The following MGAT5 variants were observed in gnomAD, a reference collection of about 807,000 sequenced individuals.
MGAT5 encodes alpha-1,6-mannosylglycoprotein 6-beta-N-acetylglucosaminyltransferase A.
In MGAT5, 30 loss-of-function variants were observed where a neutral mutation model predicts 94.3. That is an observed-to-expected ratio of 0.32 (90% CI 0.24 to 0.43). MGAT5 has a LOEUF of 0.43. MGAT5 is among the 20% of genes least tolerant of loss of function. The pLI is 1.00. For missense variants in MGAT5, 691 were observed against 905.5 expected (o/e 0.76, Z 3.04); for synonymous variants, 310 against 322.9 (o/e 0.96, Z 0.43).
intron 1 of MGAT5, among the ~76,000 whole-genome samples, chr2:134,161,287 C>T (rs1165676842): frequency 6.6e-6 from 1 of 152,210 alleles, no homozygotes; most frequent in Admixed American, 6.5e-5. Context: ...CAGTGTGTTG[C>T]CAAGGCCGTG....
intron 2 of MGAT5, among the ~76,000 whole-genome samples, chr2:134,276,719 G>A (rs1404564152): frequency 6.6e-6 from 1 of 152,218 alleles, no homozygotes; most frequent in Admixed American, 6.5e-5. Context: ...TGTGAGGTCT[G>A]TATTTCCAGA....
chr2:134,314,030 G>A (rs1686854905), intron 2 of MGAT5, among the ~76,000 whole-genome samples: 1 of 152,194 alleles, frequency 6.6e-6, no homozygotes, highest in Non-Finnish European at 1.5e-5. Flanking sequence ...TTGGTCATTT[G>A]ATAGAAACAA....
intron 10 of MGAT5, among the ~76,000 whole-genome samples, chr2:134,369,067 G>C (rs936105038): frequency 1.3e-5 from 2 of 152,040 alleles, no homozygotes; most frequent in African/African-American, 4.8e-5. Context: ...TAGACTATAT[G>C]CTCTGTGAGA....
chr2:134,413,006 T>G lies in MGAT5; in HGVS notation c.1668T>G (p.Thr556=). The G allele has an allele frequency of 6.2e-7, 1 of 1,614,152 alleles. No individual in the cohort carries two copies. Among genetic ancestry groups the G allele is most frequent in the East Asian group, 2.2e-5 (1 of 44,868 alleles). ...CAGACTTTTTCATTGGCAAGCCAAC[T>G]CTGAGAGAGGTAAGCATCTATCAAA... The part of the protein sequence containing the change: ...KNTDFFIGKP[T]LRELTSQHPY... The change falls in exon 12 of 16, where the codon ACT becomes ACG. Residue 556 remains threonine, a synonymous_variant. Transcript: ENST00000281923.
chr2:134,380,306 A>G (rs1236606923), intron 10 of MGAT5, among the ~76,000 whole-genome samples: 2 of 152,232 alleles, frequency 1.3e-5, no homozygotes, highest in Admixed American at 1.3e-4. Context: ...AGCATAGTAA[A>G]TATTCAAATG....
intron 1 of MGAT5, among the ~76,000 whole-genome samples, chr2:134,226,678 G>C (rs1475843381): frequency 6.6e-6 from 1 of 152,156 alleles, no homozygotes; most frequent in Non-Finnish European, 1.5e-5. Context: ...AGTTCATGCA[G>C]TCATTTACTT....
At chr2:134,167,403 C>T (rs950433613) in intron 1 of MGAT5, among the ~76,000 whole-genome samples, 1 of 152,200 alleles carries the variant, frequency 6.6e-6, no homozygotes, top group East Asian at 1.9e-4. Flanking sequence ...CAGTGGTTCT[C>T]CAACTTCAGC....
rs149985664 is a variant in MGAT5 at position 134,423,219 on chromosome 2, G to C, written c.1794+300G>C. On this transcript the variant is annotated intron_variant, in intron 13 of 15. Transcript: ENST00000281923. ...CTTGGTTCAGTGACCTGATTATGTT[G>C]CTCTCACAGAGATCTGAAAAGATAG... Among the ~76,000 whole-genome samples, 389 of 152,294 alleles carry C rather than the reference G, an allele frequency of 2.6e-3. 1 individual carries two copies. Among genetic ancestry groups the C allele is most frequent in the African/African-American group, 8.9e-3 (371 of 41,562 alleles).
At chr2:134,136,549 AG>A (rs1686419874) in intron 1 of MGAT5, among the ~76,000 whole-genome samples, 2 of 152,234 alleles carry the variant, frequency 1.3e-5, no homozygotes, top group Non-Finnish European at 2.9e-5. Flanking sequence ...CCTGGGCAAC[AG>A]GGTGAGACTC....
intron 1 of MGAT5, among the ~76,000 whole-genome samples, chr2:134,186,552 C>T (rs1363615595): frequency 6.6e-6 from 1 of 152,106 alleles, no homozygotes; most frequent in Non-Finnish European, 1.5e-5. Context: ...TCCATGTCTT[C>T]CTAGGGTCAG....
At chr2:134,293,250 G>C (rs1430230142) in intron 2 of MGAT5, among the ~76,000 whole-genome samples, 1 of 152,152 alleles carries the variant, frequency 6.6e-6, no homozygotes, top group East Asian at 1.9e-4. Context: ...CATTAAATTG[G>C]AAATGAATAC....
chr2:134,146,386 C>A (rs1236941855), intron 1 of MGAT5, among the ~76,000 whole-genome samples: 1 of 147,622 alleles, frequency 6.8e-6, no homozygotes, highest in Non-Finnish European at 1.5e-5. Flanking sequence ...AGTGAGACCT[C>A]GTCTCTACAA....
Position 134,287,120 on chromosome 2 carries a change from C to T in MGAT5, c.406+16570C>T, listed in dbSNP as rs182479905. Among the ~76,000 whole-genome samples the T allele has an allele frequency of 1.1e-4, 17 of 152,244 alleles. No homozygotes were observed. In the East Asian group the frequency reaches 3.1e-3, roughly 28 times the overall value. On this transcript the variant is annotated intron_variant, in intron 2 of 15. Transcript: ENST00000281923. ...GATTGTGCACATTGGGGCTCTATTCCTACCCCTTCTCTCATATCACTTTTC... is the reference window on the plus strand; with the variant it reads ...GATTGTGCACATTGGGGCTCTATTCTTACCCCTTCTCTCATATCACTTTTC...
chr2:134,412,424 A>C (rs1683723118), intron 11 of MGAT5, among the ~76,000 whole-genome samples: 1 of 152,136 alleles, frequency 6.6e-6, no homozygotes, highest in South Asian at 2.1e-4. Context: ...CCCTCCGCCC[A>C]GCATTCCTGA....
intron 4 of MGAT5, among the ~76,000 whole-genome samples, chr2:134,332,890 A>G (rs544706667): frequency 0.033 from 5,022 of 151,426 alleles, 257 homozygotes; most frequent in African/African-American, 0.11. Flanking sequence ...ATGAGATACC[A>G]TCTCCTACCA....
Position 134,449,640 on chromosome 2 carries a change from T to C in MGAT5, c.*793T>C, listed in dbSNP as rs932906473. ...GCCCAGACACATACCTTGGCCGTAA[T>C]TTCTTTTAGAATCCCTTTGGGAAGG... is the stretch of plus-strand genomic sequence containing the variant. On this transcript the variant is annotated 3_prime_UTR_variant, in exon 16 of 16. Transcript: ENST00000281923. 6.6e-6 allele frequency: 1 copy of C among 152,204 alleles called. No homozygotes were observed. The highest frequency in any genetic ancestry group is 1.5e-5 in the Non-Finnish European group (1 of 68,062). 9.4% of individuals were successfully genotyped at this position (152,204 alleles called of 1,614,324 possible). A position where few individuals can be genotyped will look rare whatever the true frequency, so the allele number is the denominator to read the frequency against.
At chr2:134,327,467 G>A (rs2105937145) in intron 4 of MGAT5, among the ~76,000 whole-genome samples, 1 of 152,198 alleles carries the variant, frequency 6.6e-6, no homozygotes, top group Admixed American at 6.5e-5. Flanking sequence ...TGAGACAGTT[G>A]ATCTGGTAAC....
At position 134,199,228 on chromosome 2, in the gene MGAT5, C is replaced by A. The variant is rs114122700; in HGVS notation, c.-142-55034C>A. 5.7e-3 allele frequency among the ~76,000 whole-genome samples: 870 copies of A among 152,286 alleles called. 15 individuals carry two copies. The highest frequency in any genetic ancestry group is 0.02 in the African/African-American group (837 of 41,558). ...CTGTCTTCCCTTCCTTTCTTAATTG[C>A]ACATCTTTGCCTCTCCTACTCCTCT... On this transcript the variant is annotated intron_variant, in intron 1 of 16. Transcript: ENST00000409645.
chr2:134,225,691 G>C (rs1487008020), intron 1 of MGAT5, among the ~76,000 whole-genome samples: 1 of 152,138 alleles, frequency 6.6e-6, no homozygotes, highest in Non-Finnish European at 1.5e-5. Flanking sequence ...AGTCATTATA[G>C]GACATGCTGG....
Sources: allele counts gnomAD v4.1 joint callset (sites outside exome capture counted in the v4.1 genomes callset), GRCh38; gene constraint gnomAD v4.1.1; transcripts MANE v1.5; gene names NCBI Gene and HGNC (gene_info 2026-07-23, HGNC 2026-07-21).